Variants in RPN2 observed in about 807,000 individuals in gnomAD.
RPN2 encodes ribophorin II.
A neutral mutation model predicts 71.4 loss-of-function variants in RPN2; 29 were observed. The observed-to-expected ratio is 0.41, with a 90% CI of 0.30 to 0.55. The LOEUF (loss-of-function observed/expected upper bound fraction) is 0.55, where lower values mean the gene tolerates loss of function less well. Ranked by LOEUF, RPN2 falls within the 20% of genes least tolerant of loss-of-function variation. The probability of loss-of-function intolerance (pLI) is 0.35; values close to 1 mark genes in which losing one functional copy is unlikely to be tolerated. For missense variants in RPN2, 726 were observed against 774.1 expected (o/e 0.94, Z 0.74); for synonymous variants, 308 against 305.0 (o/e 1.01, Z -0.10).
At chr20:37,238,482 A>T in intron 16 of RPN2, 1 of 1,541,548 alleles carries the variant, frequency 6.5e-7, no homozygotes, top group South Asian at 1.2e-5. Context: ...TCCCAGAAGC[A>T]GGGTCCCTTC....
chr20:37,217,304 T>TTATTATTATTC (rs564725876), intron 9 of RPN2, among the ~76,000 whole-genome samples: 34 of 144,142 alleles, frequency 2.4e-4, no homozygotes, highest in African/African-American at 7.9e-4. Context: ...TATTATTCTT[T>TTATTATTATTC]TTTTTTTGAA....
intron 7 of RPN2, among the ~76,000 whole-genome samples, chr20:37,208,487 G>A (rs1481934452): frequency 2.6e-5 from 4 of 152,122 alleles, no homozygotes; most frequent in African/African-American, 9.7e-5. Context: ...ATGGCCCACT[G>A]CAGCGTAGGC....
At chr20:37,200,839 T>C (rs1434817397) in intron 4 of RPN2, among the ~76,000 whole-genome samples, 1 of 152,252 alleles carries the variant, frequency 6.6e-6, no homozygotes, top group East Asian at 1.9e-4. Flanking sequence ...GATGCCACTG[T>C]TAGTGCCTGT....
intron 1 of RPN2, among the ~76,000 whole-genome samples, chr20:37,181,943 A>C (rs4239700): frequency 0.4 from 60,202 of 152,058 alleles, 12,303 homozygotes; most frequent in East Asian, 0.51. Flanking sequence ...TGTCACTAGA[A>C]TAGAAGCTCT....
intron 11 of RPN2, among the ~76,000 whole-genome samples, chr20:37,227,205 T>C (rs2068097981): frequency 6.6e-6 from 1 of 152,198 alleles, no homozygotes; most frequent in Admixed American, 6.5e-5. Flanking sequence ...TTTCCCAGCT[T>C]CTTCCCAGAA....
intron 1 of RPN2, chr20:37,179,673 C>A (rs1026406050): frequency 4.9e-6 from 2 of 406,246 alleles, no homozygotes; most frequent in South Asian, 6.3e-5. Flanking sequence ...TCATTTCACT[C>A]GCGCGGGCTT....
At chr20:37,212,802 T>C (rs1416980408) in intron 8 of RPN2, among the ~76,000 whole-genome samples, 1 of 152,112 alleles carries the variant, frequency 6.6e-6, no homozygotes, top group African/African-American at 2.4e-5. Flanking sequence ...AAGTGTTAAA[T>C]TAGGTAATAA....
At chr20:37,179,558 C>T in intron 1 of RPN2, 189 bp downstream of exon 1, 3 of 1,371,472 alleles carry the variant, frequency 2.2e-6, no homozygotes, top group South Asian at 1.7e-5. Flanking sequence ...TGCCCGCGAC[C>T]TGGCGGGGTT....
At chr20:37,214,670 G>A (rs2067762509) in intron 9 of RPN2, among the ~76,000 whole-genome samples, 1 of 152,114 alleles carries the variant, frequency 6.6e-6, no homozygotes, top group African/African-American at 2.4e-5. Context: ...TTCATGATCA[G>A]GTTCAGGTCA....
intron 2 of RPN2, among the ~76,000 whole-genome samples, chr20:37,185,569 T>C (rs963993042): frequency 1.2e-4 from 18 of 152,194 alleles, no homozygotes; most frequent in African/African-American, 4.3e-4. Flanking sequence ...ACCATAAATG[T>C]AGGGGCTTAA....
chr20:37,201,642 G>T, intron 4 of RPN2, among the ~76,000 whole-genome samples: 1 of 152,136 alleles, frequency 6.6e-6, no homozygotes, highest in East Asian at 1.9e-4. Context: ...ACCATGAGTG[G>T]GTTGTTTAGC....
chr20:37,241,294 T>G lies in RPN2; in HGVS notation c.1884-9T>G, dbSNP rs896479611. ...CAGTAATTCTGTGTTTGTCTCCATT[T>G]TCTTTCAGAACAGCACATTAGTTCC... is the stretch of plus-strand genomic sequence containing the variant. On this transcript the variant is annotated splice_polypyrimidine_tract_variant and intron_variant, in intron 16 of 16. Coordinates refer to ENST00000237530, the MANE Select transcript of RPN2 (RefSeq NM_002951.5). 4.3e-6 allele frequency: 7 copies of G among 1,612,696 alleles called. No individual in the cohort carries two copies. Among genetic ancestry groups the G allele is most frequent in the Non-Finnish European group, 5.9e-6 (7 of 1,179,180 alleles).
At chr20:37,208,496 G>C (rs1269493035) in intron 7 of RPN2, among the ~76,000 whole-genome samples, 1 of 152,108 alleles carries the variant, frequency 6.6e-6, no homozygotes, top group East Asian at 1.9e-4. Flanking sequence ...TGCAGCGTAG[G>C]CTTCCTCCAG....
chr20:37,194,576 T>TA (rs1160115936), intron 2 of RPN2, among the ~76,000 whole-genome samples: 1 of 152,220 alleles, frequency 6.6e-6, no homozygotes, highest in Admixed American at 6.5e-5. Flanking sequence ...AGTTGTATTT[T>TA]AAAATAAGTC....
chr20:37,241,390 GA>G lies in RPN2; in HGVS notation c.*80del. On this transcript the variant is annotated 3_prime_UTR_variant, in exon 17 of 17. Coordinates refer to ENST00000237530, the MANE Select transcript of RPN2 (RefSeq NM_002951.5). ...TCAAGAACAATTCACAGTATGAGAA[GA>G]AAAATGGAAAAAAAAAACTTTATTT... 6.7e-7 allele frequency: 1 copy of G among 1,486,524 alleles called. No homozygotes were observed. 92.1% of individuals were successfully genotyped at this position (1,486,524 alleles called of 1,614,324 possible).
At chr20:37,179,662 T>C in intron 1 of RPN2, 1 of 466,268 alleles carries the variant, frequency 2.1e-6, no homozygotes, top group South Asian at 5.3e-5. Context: ...TCTGGCCTCA[T>C]TCATTTCACT....
intron 9 of RPN2, among the ~76,000 whole-genome samples, chr20:37,217,989 C>T (rs948062525): frequency 1.3e-5 from 2 of 152,152 alleles, no homozygotes; most frequent in Non-Finnish European, 2.9e-5. Flanking sequence ...TGCCTCGCCT[C>T]GGCCTCCCAA....
chr20:37,240,456 T>C (rs965907153), intron 16 of RPN2, among the ~76,000 whole-genome samples: 3 of 152,206 alleles, frequency 2.0e-5, no homozygotes, highest in South Asian at 2.1e-4. Flanking sequence ...TTAATGGGTT[T>C]GGAGTCTGCC....
rs548200164 is a variant in RPN2 at position 37,219,852 on chromosome 20, G to GGAATCAC, written c.1093-4025_1093-4019dup. The stretch of plus-strand genomic sequence containing the variant: ...TTGCCTTGGCACATACATCCTTGTA[G>GGAATCAC]GAATCACTTGACAATAAATGTAAGG... On this transcript the variant is annotated intron_variant, in intron 9 of 16. Coordinates refer to ENST00000237530, the MANE Select transcript of RPN2 (RefSeq NM_002951.5). Among the ~76,000 whole-genome samples the GGAATCAC allele has an allele frequency of 1.3e-3, 193 of 152,244 alleles. 2 individuals carry two copies. The highest frequency in any genetic ancestry group is 2.6e-4 in the Non-Finnish European group (18 of 68,006).
Sources: gnomAD v4.1 joint callset for allele counts (sites outside exome capture counted in the v4.1 genomes callset) on GRCh38, gnomAD v4.1.1 for gene constraint, MANE v1.5 for transcripts, NCBI Gene and HGNC (gene_info 2026-07-23, HGNC 2026-07-21) for gene names.